RALGPS1: variants seen among roughly 807,000 people sequenced by gnomAD.
RALGPS1 encodes the protein ras-specific guanine nucleotide-releasing factor RalGPS1.
Under a neutral mutation model 78.8 loss-of-function variants are expected in RALGPS1, and 19 were observed. That is an observed-to-expected ratio of 0.24 (90% CI 0.17 to 0.35). The LOEUF (loss-of-function observed/expected upper bound fraction) is 0.35. Among genes scored for constraint, RALGPS1 ranks in the 10% least tolerant of loss-of-function variants. RALGPS1 has a pLI of 1.00. For synonymous variants in RALGPS1, 228 were observed against 256.3 expected (o/e 0.89, Z 1.06); for missense variants, 454 against 688.3 (o/e 0.66, Z 3.81).
chr9:127,155,854 A>G (rs2058679135), intron 8 of RALGPS1, among the ~76,000 whole-genome samples: 1 of 151,948 alleles, frequency 6.6e-6, no homozygotes, highest in South Asian at 2.1e-4. Flanking sequence ...CTGCCAAAAA[A>G]GTGTTTGCTT....
intron 1 of RALGPS1, among the ~76,000 whole-genome samples, chr9:126,957,514 G>A (rs1175777989): frequency 6.6e-6 from 1 of 152,194 alleles, no homozygotes. Context: ...CTCCTGTGGT[G>A]ACTCTCTGTT....
At chr9:126,995,633 G>A (rs2042673726) in intron 4 of RALGPS1, among the ~76,000 whole-genome samples, 1 of 151,936 alleles carries the variant, frequency 6.6e-6, no homozygotes, top group African/African-American at 2.4e-5. Flanking sequence ...GAGACAGAAA[G>A]TTAACAAGGA....
At chr9:127,037,410 G>C (rs1158487304) in intron 5 of RALGPS1, among the ~76,000 whole-genome samples, 6 of 152,214 alleles carry the variant, frequency 3.9e-5, no homozygotes, top group Non-Finnish European at 8.8e-5. Context: ...ATGGAGATTG[G>C]ACAGGGCCAA....
intron 4 of RALGPS1, chr9:126,989,868 T>A: frequency 6.5e-7 from 1 of 1,549,562 alleles, no homozygotes; most frequent in South Asian, 1.2e-5. Flanking sequence ...GACCAGCATC[T>A]GTTGGGTCCT....
intron 8 of RALGPS1, among the ~76,000 whole-genome samples, chr9:127,098,519 A>G (rs965734559): frequency 2.0e-5 from 3 of 152,212 alleles, no homozygotes; most frequent in Non-Finnish European, 4.4e-5. Context: ...AGAAGCAACA[A>G]GGATGGGTAG....
chr9:126,938,852 A>G (rs567025751), intron 1 of RALGPS1, among the ~76,000 whole-genome samples: 29 of 152,244 alleles, frequency 1.9e-4, no homozygotes, highest in Non-Finnish European at 2.6e-4. Context: ...ACAGGAAGTG[A>G]CATTTAAATG....
chr9:126,921,113 C>T (rs745989191), intron 1 of RALGPS1, among the ~76,000 whole-genome samples: 19 of 152,298 alleles, frequency 1.2e-4, no homozygotes, highest in African/African-American at 1.7e-4. Context: ...TGTAATTATA[C>T]GTGATGCTGT....
intron 14 of RALGPS1, among the ~76,000 whole-genome samples, chr9:127,203,987 C>T (rs1208814341): frequency 6.6e-6 from 1 of 152,090 alleles, no homozygotes; most frequent in African/African-American, 2.4e-5. Context: ...CCGTTGACCT[C>T]CACAGTGAAA....
chr9:127,063,338 C>T (rs2049381744), intron 7 of RALGPS1, among the ~76,000 whole-genome samples: 1 of 152,298 alleles, frequency 6.6e-6, no homozygotes, highest in East Asian at 1.9e-4. Flanking sequence ...ACCTTCCTGG[C>T]TTTTGACCTC....
intron 8 of RALGPS1, chr9:127,107,865 T>G: frequency 6.7e-7 from 1 of 1,496,792 alleles, no homozygotes; most frequent in Non-Finnish European, 8.9e-7. Flanking sequence ...AAGGGAAGCC[T>G]GGTGCCTGGC....
At chr9:127,138,170 G>A (rs112796589) in intron 8 of RALGPS1, among the ~76,000 whole-genome samples, 2 of 152,324 alleles carry the variant, frequency 1.3e-5, no homozygotes, top group African/African-American at 4.8e-5. Context: ...CATTTCCACA[G>A]ACTTAATGCT....
At chr9:126,969,229 C>T (rs905657414) in intron 3 of RALGPS1, among the ~76,000 whole-genome samples, 2 of 151,966 alleles carry the variant, frequency 1.3e-5, no homozygotes, top group South Asian at 2.1e-4. Flanking sequence ...CTTCAAAATC[C>T]GATGTGTGTG....
chr9:127,124,455 G>A (rs2056452407), intron 8 of RALGPS1, among the ~76,000 whole-genome samples: 1 of 152,204 alleles, frequency 6.6e-6, no homozygotes. Flanking sequence ...ACTGTCAGCT[G>A]TAGAGTCTTC....
chr9:127,188,469 C>A (rs2060807895), intron 11 of RALGPS1, among the ~76,000 whole-genome samples: 3 of 152,076 alleles, frequency 2.0e-5, no homozygotes, highest in Non-Finnish European at 4.4e-5. Flanking sequence ...AGTTCCATTA[C>A]GGTGGATTGG....
Position 126,978,900 on chromosome 9 carries a change from A to G in RALGPS1, c.216+1155A>G, listed in dbSNP as rs1032006464. Among the ~76,000 whole-genome samples, 3 of 152,204 alleles carry G rather than the reference A, an allele frequency of 2.0e-5. No individual in the cohort carries two copies. The South Asian group carries it at 6.2e-4, about 31-fold the overall frequency. ...ATAGTCATGTGTCCAATGCTGGTCCAGTCACCTAAGGCCAAGAGTATGTGG... is the reference window on the plus strand; with the variant it reads ...ATAGTCATGTGTCCAATGCTGGTCCGGTCACCTAAGGCCAAGAGTATGTGG... On this transcript the variant is annotated intron_variant, in intron 4 of 18. Transcript: ENST00000259351.
At chr9:127,008,046 AG>A (rs2044006793) in intron 4 of RALGPS1, among the ~76,000 whole-genome samples, 1 of 151,702 alleles carries the variant, frequency 6.6e-6, no homozygotes, top group Non-Finnish European at 1.5e-5. Context: ...TGTTCTCTGC[AG>A]GCCTTGGTGC....
At chr9:127,175,514 G>C (rs955519724) in intron 11 of RALGPS1, among the ~76,000 whole-genome samples, 3 of 151,938 alleles carry the variant, frequency 2.0e-5, no homozygotes, top group Non-Finnish European at 4.4e-5. Context: ...GACTCTCAAC[G>C]ACAGGAGCTG....
chr9:126,973,040 C>T (rs901383423), intron 3 of RALGPS1, among the ~76,000 whole-genome samples: 5 of 151,488 alleles, frequency 3.3e-5, no homozygotes, highest in Non-Finnish European at 5.9e-5. Context: ...CCAACCTGGG[C>T]GACAGAGCGA....
chr9:127,132,906 G>A, intron 8 of RALGPS1, among the ~76,000 whole-genome samples: 1 of 152,190 alleles, frequency 6.6e-6, no homozygotes, highest in East Asian at 1.9e-4. Flanking sequence ...CAGTGTACTG[G>A]TATAGACTGT....
Sources: gnomAD v4.1 joint callset for allele counts (sites outside exome capture counted in the v4.1 genomes callset) on GRCh38, gnomAD v4.1.1 for gene constraint, MANE v1.5 for transcripts, NCBI Gene and HGNC (gene_info 2026-07-23, HGNC 2026-07-21) for gene names.